Variants in ST6GALNAC3 observed in about 807,000 individuals in gnomAD.
The protein encoded by ST6GALNAC3 is ST6 N-acetylgalactosaminide alpha-2,6-sialyltransferase 3.
ST6GALNAC3 carries 25 observed loss-of-function variants against 32.7 expected under a neutral mutation model. The observed-to-expected ratio is 0.76, with a 90% CI of 0.56 to 1.07. ST6GALNAC3 has a LOEUF of 1.07. Ranked by LOEUF, ST6GALNAC3 falls within the 50% of genes least tolerant of loss-of-function variation. ST6GALNAC3 has a pLI of 0.00. For missense variants in ST6GALNAC3, 355 were observed against 382.4 expected (o/e 0.93, Z 0.60); for synonymous variants, 129 against 133.1 (o/e 0.97, Z 0.21).
chr1:76,258,444 A>C (rs1658041554), intron 1 of ST6GALNAC3, among the ~76,000 whole-genome samples: 1 of 152,166 alleles, frequency 6.6e-6, no homozygotes, highest in South Asian at 2.1e-4. Context: ...CACCTTTGGC[A>C]TGGATGGGTT....
rs559038353 is a variant in ST6GALNAC3 at position 76,141,370 on chromosome 1, G to A, written c.18+66486G>A. 2.6e-5 allele frequency among the ~76,000 whole-genome samples: 4 copies of A among 152,266 alleles called. No homozygotes were observed. The South Asian group carries it at 8.3e-4, about 32-fold the overall frequency. On this transcript the variant is annotated intron_variant, in intron 1 of 4. Transcript: ENST00000328299. The stretch of plus-strand genomic sequence containing the variant: ...CAGGCTAAGAAGTAGCCCCAGCACT[G>A]GCATGCTAGACTTGGAGAGTCTAAT...
intron 3 of ST6GALNAC3, among the ~76,000 whole-genome samples, chr1:76,578,455 G>A (rs1646844280): frequency 6.6e-6 from 1 of 152,012 alleles, no homozygotes. Context: ...TTTCATAGTA[G>A]AGTATTAAGA....
chr1:76,240,435 C>T (rs1656899411), intron 1 of ST6GALNAC3, among the ~76,000 whole-genome samples: 1 of 152,164 alleles, frequency 6.6e-6, no homozygotes, highest in South Asian at 2.1e-4. Flanking sequence ...TCTCTTGTTC[C>T]CCTTTAGTCT....
chr1:76,431,972 C>T (rs1314005136), intron 3 of ST6GALNAC3, among the ~76,000 whole-genome samples: 1 of 152,172 alleles, frequency 6.6e-6, no homozygotes, highest in Admixed American at 6.5e-5. Flanking sequence ...AAAGTCTTCT[C>T]TGCTCTGTCT....
intron 3 of ST6GALNAC3, among the ~76,000 whole-genome samples, chr1:76,483,988 C>G (rs1157328407): frequency 1.4e-5 from 2 of 145,454 alleles, no homozygotes; most frequent in African/African-American, 2.6e-5. Context: ...AATCCTTTCC[C>G]CATTTCTTGT....
At chr1:76,598,377 G>A (rs1647171493) in intron 3 of ST6GALNAC3, among the ~76,000 whole-genome samples, 2 of 152,112 alleles carry the variant, frequency 1.3e-5, no homozygotes, top group African/African-American at 2.4e-5. Flanking sequence ...ATGCACTTAT[G>A]TACTTCCATC....
intron 1 of ST6GALNAC3, among the ~76,000 whole-genome samples, chr1:76,191,508 G>C (rs1271285653): frequency 6.6e-6 from 1 of 152,078 alleles, no homozygotes; most frequent in African/African-American, 2.4e-5. Flanking sequence ...TTATAAAATA[G>C]CTAGAAGATA....
At chr1:76,508,711 G>C (rs1373628056) in intron 3 of ST6GALNAC3, among the ~76,000 whole-genome samples, 1 of 152,124 alleles carries the variant, frequency 6.6e-6, no homozygotes, top group East Asian at 1.9e-4. Flanking sequence ...GTTTCTAGGT[G>C]ATCATCAGGT....
Position 76,170,885 on chromosome 1 carries a change from T to C in ST6GALNAC3, c.18+96001T>C, listed in dbSNP as rs184273177. ...GTTGTGGTCTCTCAGGAGTGAATAATATGAGTTTTTAAACATTTTCCAAGA... is the reference window on the plus strand; with the variant it reads ...GTTGTGGTCTCTCAGGAGTGAATAACATGAGTTTTTAAACATTTTCCAAGA... On this transcript the variant is annotated intron_variant, in intron 1 of 4. Transcript: ENST00000328299. Among the ~76,000 whole-genome samples the C allele has an allele frequency of 3.9e-5, 6 of 152,292 alleles. No individual in the cohort carries two copies. In the East Asian group the frequency reaches 1.2e-3, roughly 29 times the overall value.
At chr1:76,117,219 C>T (rs1030090404) in intron 1 of ST6GALNAC3, among the ~76,000 whole-genome samples, 2 of 152,120 alleles carry the variant, frequency 1.3e-5, no homozygotes, top group African/African-American at 4.8e-5. Context: ...TGTAAATGGG[C>T]CTTAAAGCTT....
At chr1:76,202,557 A>G (rs868049218) in intron 1 of ST6GALNAC3, among the ~76,000 whole-genome samples, 21 of 152,256 alleles carry the variant, frequency 1.4e-4, no homozygotes, top group Middle Eastern at 3.4e-3. Flanking sequence ...GGAACAGATG[A>G]ATGTGTGTAT....
At chr1:76,363,110 A>C (rs1650098347) in intron 2 of ST6GALNAC3, among the ~76,000 whole-genome samples, 1 of 152,204 alleles carries the variant, frequency 6.6e-6, no homozygotes, top group African/African-American at 2.4e-5. Flanking sequence ...ACAGGCTGCA[A>C]ATTTTCTAAA....
At chr1:76,403,491 G>A in intron 2 of ST6GALNAC3, among the ~76,000 whole-genome samples, 1 of 151,962 alleles carries the variant, frequency 6.6e-6, no homozygotes, top group Admixed American at 6.6e-5. Flanking sequence ...ATTCTTCTAG[G>A]AGAATGTTTC....
chr1:76,521,739 T>C (rs1570079708), intron 3 of ST6GALNAC3, among the ~76,000 whole-genome samples: 1 of 152,144 alleles, frequency 6.6e-6, no homozygotes, highest in Non-Finnish European at 1.5e-5. Flanking sequence ...TTTCATTGAG[T>C]GTACAATGCT....
chr1:76,372,047 T>C (rs927337348), intron 2 of ST6GALNAC3, among the ~76,000 whole-genome samples: 1 of 152,160 alleles, frequency 6.6e-6, no homozygotes, highest in Non-Finnish European at 1.5e-5. Context: ...TAATAACAGA[T>C]AGTATTTTCT....
intron 1 of ST6GALNAC3, among the ~76,000 whole-genome samples, chr1:76,123,473 G>A (rs1314961052): frequency 6.6e-6 from 1 of 151,878 alleles, no homozygotes. Flanking sequence ...AGAATGGGAA[G>A]AGTAGGAAGC....
intron 1 of ST6GALNAC3, among the ~76,000 whole-genome samples, chr1:76,167,340 A>T (rs983257764): frequency 3.9e-5 from 6 of 152,218 alleles, no homozygotes; most frequent in Non-Finnish European, 8.8e-5. Flanking sequence ...CATCCCAGGG[A>T]TAACAAGCCT....
chr1:76,343,345 T>G (rs1648220388), intron 2 of ST6GALNAC3, among the ~76,000 whole-genome samples: 1 of 152,162 alleles, frequency 6.6e-6, no homozygotes, highest in South Asian at 2.1e-4. Context: ...TAACAGAACA[T>G]CTTTTGTATA....
chr1:76,386,536 T>G (rs913046687), intron 2 of ST6GALNAC3, among the ~76,000 whole-genome samples: 5 of 152,184 alleles, frequency 3.3e-5, no homozygotes, highest in African/African-American at 9.6e-5. Context: ...TATTTTAAAA[T>G]CCTTTTTGTT....
Sources: gnomAD v4.1 joint callset for allele counts (sites outside exome capture counted in the v4.1 genomes callset) on GRCh38, gnomAD v4.1.1 for gene constraint, MANE v1.5 for transcripts, NCBI Gene and HGNC (gene_info 2026-07-23, HGNC 2026-07-21) for gene names.